The following CDH13 variants were observed in gnomAD, a reference collection of about 807,000 sequenced individuals.
The protein encoded by CDH13 is cadherin-13.
CDH13 carries 24 observed loss-of-function variants against 63.8 expected under a neutral mutation model. That is an observed-to-expected ratio of 0.38 (90% confidence interval 0.27 to 0.53). The LOEUF (loss-of-function observed/expected upper bound fraction) is 0.53. Among genes scored for constraint, CDH13 ranks in the 20% least tolerant of loss-of-function variants. The probability of loss-of-function intolerance (pLI) is 0.85; values close to 1 mark genes in which losing one functional copy is unlikely to be tolerated. For missense variants in CDH13, 1,049 were observed against 903.1 expected (o/e 1.16, Z -2.07); for synonymous variants, 503 against 355.3 (o/e 1.42, Z -4.67).
At chr16:83,551,054 T>TCATC in intron 7 of CDH13, among the ~76,000 whole-genome samples, 2 of 11,300 alleles carry the variant, frequency 1.8e-4, no homozygotes, top group African/African-American at 4.5e-4. Flanking sequence ...CTTAAGTCAT[T>TCATC]TATATCTATC....
chr16:82,898,957 C>G (rs982145424), intron 2 of CDH13, among the ~76,000 whole-genome samples: 3 of 152,208 alleles, frequency 2.0e-5, no homozygotes, highest in African/African-American at 7.2e-5. Context: ...GGGGCAAAAC[C>G]TTGGATGAGG....
At chr16:82,765,990 T>C (rs796464727) in intron 1 of CDH13, among the ~76,000 whole-genome samples, 4 of 152,282 alleles carry the variant, frequency 2.6e-5, no homozygotes, top group African/African-American at 9.6e-5. Flanking sequence ...TACCCCAAAG[T>C]CCAAGCTTAA....
chr16:83,584,194 A>G (rs1239332479), intron 7 of CDH13, among the ~76,000 whole-genome samples: 1 of 152,000 alleles, frequency 6.6e-6, no homozygotes, highest in East Asian at 2.0e-4. Context: ...AGCCGGGCAT[A>G]GTGACAGGTG....
chr16:83,521,151 C>T (rs765747706), intron 7 of CDH13, among the ~76,000 whole-genome samples: 3 of 152,188 alleles, frequency 2.0e-5, no homozygotes, highest in Admixed American at 6.5e-5. Flanking sequence ...AAAACCAGCA[C>T]TTTGCTAACA....
intron 6 of CDH13, among the ~76,000 whole-genome samples, chr16:83,359,170 C>G (rs1314722071): frequency 6.6e-6 from 1 of 152,126 alleles, no homozygotes; most frequent in Admixed American, 6.5e-5. Flanking sequence ...GACAAGGGTA[C>G]AGCACAAGGG....
chr16:83,082,027 C>T (rs2033289232), intron 3 of CDH13, among the ~76,000 whole-genome samples: 1 of 152,056 alleles, frequency 6.6e-6, no homozygotes, highest in African/African-American at 2.4e-5. Flanking sequence ...CTCGAACTCC[C>T]AACCTCAGGT....
chr16:82,998,919 C>T (rs72794131), intron 2 of CDH13, among the ~76,000 whole-genome samples: 1 of 146,464 alleles, frequency 6.8e-6, no homozygotes, highest in African/African-American at 2.6e-5. Flanking sequence ...TTCACCAACA[C>T]TTTTCTTGTT....
chr16:83,557,663 A>G (rs893734798), intron 7 of CDH13, among the ~76,000 whole-genome samples: 3 of 152,044 alleles, frequency 2.0e-5, no homozygotes, highest in African/African-American at 7.2e-5. Flanking sequence ...TGAGTCTGGG[A>G]GGTACTGGGA....
intron 4 of CDH13, among the ~76,000 whole-genome samples, chr16:83,170,458 A>G (rs918768335): frequency 6.6e-6 from 1 of 152,122 alleles, no homozygotes; most frequent in Non-Finnish European, 1.5e-5. Flanking sequence ...TTTCCAGTCA[A>G]AGATACTATG....
chr16:83,470,276 C>T (rs1013152808), intron 6 of CDH13, among the ~76,000 whole-genome samples: 2 of 152,108 alleles, frequency 1.3e-5, no homozygotes, highest in East Asian at 1.9e-4. Context: ...AGGCTAGTCT[C>T]GAACTCCTGA....
chr16:82,963,890 G>A (rs1321996663), intron 2 of CDH13, among the ~76,000 whole-genome samples: 6 of 152,140 alleles, frequency 3.9e-5, no homozygotes, highest in Admixed American at 3.9e-4. Flanking sequence ...GGAAAGCCAG[G>A]TCGGAGAATA....
chr16:83,697,361 G>T, intron 10 of CDH13, among the ~76,000 whole-genome samples: 1 of 152,170 alleles, frequency 6.6e-6, no homozygotes, highest in South Asian at 2.1e-4. Flanking sequence ...CGTTTTGTTC[G>T]CAATTTTGCT....
intron 3 of CDH13, among the ~76,000 whole-genome samples, chr16:83,054,086 C>A (rs1223201732): frequency 6.6e-6 from 1 of 152,066 alleles, no homozygotes; most frequent in Non-Finnish European, 1.5e-5. Context: ...GGGTTTATAG[C>A]CTAGGAACAA....
intron 1 of CDH13, among the ~76,000 whole-genome samples, chr16:82,842,141 C>CATATATATAT (rs1170008694): frequency 1.6e-5 from 1 of 62,336 alleles, no homozygotes; most frequent in Non-Finnish European, 3.7e-5. Flanking sequence ...TATATATACA[C>CATATATATAT]ATATATATAT....
intron 4 of CDH13, among the ~76,000 whole-genome samples, chr16:83,167,868 C>T (rs543975932): frequency 6.6e-6 from 1 of 151,842 alleles, no homozygotes; most frequent in Non-Finnish European, 1.5e-5. Flanking sequence ...TACCATGCAG[C>T]CATAAAAAAA....
At position 82,720,329 on chromosome 16, in the gene CDH13, T is replaced by G. The variant is rs552298757; in HGVS notation, c.45+93192T>G. ...CTGCATTGTTTTTTATTGTGCATTT[T>G]TATGATTATTATACACAGTACTTCA... On this transcript the variant is annotated intron_variant, in intron 1 of 13. Coordinates refer to ENST00000567109, the MANE Select transcript of CDH13 (RefSeq NM_001257.5). Among the ~76,000 whole-genome samples, 79 of 152,326 alleles carry G rather than the reference T, an allele frequency of 5.2e-4. No individual in the cohort carries two copies. The Middle Eastern group carries it at 0.02, about 39-fold the overall frequency.
chr16:83,250,307 A>T (rs748655470), intron 5 of CDH13, among the ~76,000 whole-genome samples: 4 of 152,140 alleles, frequency 2.6e-5, no homozygotes, highest in Non-Finnish European at 2.9e-5. Context: ...AGAACACCTG[A>T]TTTATGCCAG....
rs116192590 is a variant in CDH13, at chr16:83,149,541, C to T, written c.483+24040C>T. Reference sequence around the variant, plus strand: ...ATGGAAACTTATCATGTGCTAGGTACGTATTAGGTAGGATACCCCCATACC... The same window carrying T: ...ATGGAAACTTATCATGTGCTAGGTATGTATTAGGTAGGATACCCCCATACC... On this transcript the variant is annotated intron_variant, in intron 4 of 13. Coordinates refer to ENST00000567109, the MANE Select transcript of CDH13 (RefSeq NM_001257.5). Among the ~76,000 whole-genome samples the T allele has an allele frequency of 2.4e-3, 363 of 152,200 alleles. 2 individuals are homozygous for T. The highest frequency in any genetic ancestry group is 8.1e-3 in the African/African-American group (337 of 41,532).
At chr16:83,106,776 A>G (rs1190263981) in intron 3 of CDH13, among the ~76,000 whole-genome samples, 1 of 152,250 alleles carries the variant, frequency 6.6e-6, no homozygotes, top group Non-Finnish European at 1.5e-5. Context: ...ACAACCTGGA[A>G]GGAAGTCCAC....
Sources: allele counts gnomAD v4.1 joint callset (sites outside exome capture counted in the v4.1 genomes callset), GRCh38; gene constraint gnomAD v4.1.1; transcripts MANE v1.5; gene names NCBI Gene and HGNC (gene_info 2026-07-23, HGNC 2026-07-21).